Variants in RAB3GAP2 observed in about 807,000 individuals in gnomAD.
The protein encoded by RAB3GAP2 is rab3 GTPase-activating protein non-catalytic subunit.
A neutral mutation model predicts 185.3 loss-of-function variants in RAB3GAP2; 87 were observed. The observed-to-expected ratio is 0.47, with a 90% CI of 0.39 to 0.56. The LOEUF (loss-of-function observed/expected upper bound fraction) is 0.56, where lower values mean the gene tolerates loss of function less well. Among genes scored for constraint, RAB3GAP2 ranks in the 20% least tolerant of loss-of-function variants. The pLI, the probability that RAB3GAP2 is intolerant of heterozygous loss-of-function variation, is 0.00. For synonymous variants in RAB3GAP2, 554 were observed against 576.1 expected, an observed-to-expected ratio of 0.96 and a Z score of 0.55; for missense variants, 1,492 against 1,638.2, an observed-to-expected ratio of 0.91 and a Z score of 1.54.
intron 1 of RAB3GAP2, among the ~76,000 whole-genome samples, chr1:220,234,704 C>A (rs892590124): frequency 6.6e-6 from 1 of 152,020 alleles, no homozygotes; most frequent in Non-Finnish European, 1.5e-5. Context: ...AAACATGGAA[C>A]CATAATATAT....
chr1:220,228,728 A>G (rs1659447108), intron 2 of RAB3GAP2, among the ~76,000 whole-genome samples: 1 of 152,200 alleles, frequency 6.6e-6, no homozygotes, highest in Non-Finnish European at 1.5e-5. Context: ...GGGGTTCAAA[A>G]ATGGATAATA....
chr1:220,253,850 C>T, intron 1 of RAB3GAP2: 1 of 1,612,656 alleles, frequency 6.2e-7, no homozygotes, highest in Non-Finnish European at 8.5e-7. Context: ...GGGGCTGCCC[C>T]AGGAAAGAAG....
At chr1:220,181,379 G>A (rs1334489297) in intron 21 of RAB3GAP2, among the ~76,000 whole-genome samples, 2 of 152,164 alleles carry the variant, frequency 1.3e-5, no homozygotes, top group African/African-American at 2.4e-5. Context: ...TTCCATGGGT[G>A]CTGAGGGACA....
At chr1:220,261,756 T>C (rs1660140660) in intron 1 of RAB3GAP2, among the ~76,000 whole-genome samples, 2 of 152,180 alleles carry the variant, frequency 1.3e-5, no homozygotes, top group Admixed American at 1.3e-4. Flanking sequence ...TAAAATATTT[T>C]TGCTACACTT....
chr1:220,272,013 G>C lies in RAB3GAP2; in HGVS notation c.115+210C>G, dbSNP rs140385884. 1.1e-3 allele frequency among the ~76,000 whole-genome samples: 170 copies of C among 152,074 alleles called. 3 individuals are homozygous for C. The East Asian group carries it at 0.031, about 28-fold the overall frequency. On this transcript the variant is annotated intron_variant, in intron 1 of 34. Coordinates refer to ENST00000358951, the MANE Select transcript of RAB3GAP2 (RefSeq NM_012414.4). ...TTTAGCCAGGGGTCAGAGGGCCTAA[G>C]GAGAAAAGCTGGGTCGAGAGGAAGA...
chr1:220,167,308 C>T lies in RAB3GAP2; in HGVS notation c.3072G>A (p.Trp1024Ter). ...AHCCWEYVVQWNKDPEEARFF... is the reference protein window; with the variant it reads ...AHCCWEYVVQ The stretch of plus-strand genomic sequence containing the variant: ...AGAATCTTACCTCTGGATCTTTATT[C>T]CACTGAACAACGTACTCCCAGCAGC... Residue 1024 changes from tryptophan (W) to a stop codon, truncating the protein, a stop_gained, in exon 26 of 35, where the codon TGG becomes TGA. Coordinates refer to ENST00000358951, the MANE Select transcript of RAB3GAP2 (RefSeq NM_012414.4). LOFTEE classifies it high-confidence loss of function. 1 of 1,613,948 alleles carries T rather than the reference C, an allele frequency of 6.2e-7. No homozygotes were observed. The highest frequency in any genetic ancestry group is 8.5e-7 in the Non-Finnish European group (1 of 1,179,838).
intron 9 of RAB3GAP2, among the ~76,000 whole-genome samples, chr1:220,201,911 C>T (rs1032665348): frequency 7.9e-5 from 12 of 152,180 alleles, no homozygotes; most frequent in East Asian, 1.9e-4. Context: ...CAGTGGCTCA[C>T]GCCTGTAATC....
At chr1:220,268,139 T>C (rs1660261091) in intron 1 of RAB3GAP2, among the ~76,000 whole-genome samples, 1 of 152,214 alleles carries the variant, frequency 6.6e-6, no homozygotes, top group Non-Finnish European at 1.5e-5. Flanking sequence ...ATAACATTAA[T>C]AAATAAAGTG....
At chr1:220,167,728 G>T in intron 24 of RAB3GAP2, 53 bp from the exon 25 acceptor site, 1 of 1,562,056 alleles carries the variant, frequency 6.4e-7, no homozygotes, top group Non-Finnish European at 8.8e-7. Context: ...ACAGGGCAGT[G>T]TTTGCCAATG....
intron 33 of RAB3GAP2, 30 bp from the exon 34 acceptor site, chr1:220,151,794 A>C (rs374281300): frequency 4.3e-4 from 674 of 1,564,370 alleles, no homozygotes; most frequent in Non-Finnish European, 5.4e-4. Context: ...GAAATAATAC[A>C]GTCAGAGTGA....
intron 2 of RAB3GAP2, among the ~76,000 whole-genome samples, chr1:220,226,280 T>C (rs1043950227): frequency 4.6e-5 from 7 of 152,196 alleles, no homozygotes; most frequent in Non-Finnish European, 8.8e-5. Context: ...TAAATCAGTC[T>C]TGCCATGAAA....
At chr1:220,159,019 T>C (rs1427834581) in intron 29 of RAB3GAP2, among the ~76,000 whole-genome samples, 1 of 152,176 alleles carries the variant, frequency 6.6e-6, no homozygotes, top group East Asian at 1.9e-4. Flanking sequence ...ATATCATATA[T>C]ATAGGTAGAT....
chr1:220,236,089 A>C (rs1177039376), intron 1 of RAB3GAP2, among the ~76,000 whole-genome samples: 1 of 152,218 alleles, frequency 6.6e-6, no homozygotes, highest in Non-Finnish European at 1.5e-5. Flanking sequence ...TTATAATACT[A>C]TGAGAGAATG....
chr1:220,198,815 C>T (rs1658782373), intron 9 of RAB3GAP2, among the ~76,000 whole-genome samples: 1 of 152,116 alleles, frequency 6.6e-6, no homozygotes, highest in Non-Finnish European at 1.5e-5. Flanking sequence ...ATCAAAGTCC[C>T]TCTCAATATA....
chr1:220,163,393 GTCTC>G (rs1401149829), intron 27 of RAB3GAP2, among the ~76,000 whole-genome samples: 1 of 147,502 alleles, frequency 6.8e-6, no homozygotes, highest in Non-Finnish European at 1.5e-5. Flanking sequence ...TTGAGACGGA[GTCTC>G]TCTCTCCCAG....
At chr1:220,257,386 A>C (rs1660051633) in intron 1 of RAB3GAP2, among the ~76,000 whole-genome samples, 1 of 152,036 alleles carries the variant, frequency 6.6e-6, no homozygotes, top group South Asian at 2.1e-4. Flanking sequence ...TCAAAAAAAA[A>C]CAAAACAAAA....
intron 2 of RAB3GAP2, among the ~76,000 whole-genome samples, chr1:220,223,823 C>T (rs1262574053): frequency 6.6e-6 from 1 of 151,316 alleles, no homozygotes; most frequent in East Asian, 1.9e-4. Context: ...AATTGGCTAG[C>T]CCTTTAGAAG....
chr1:220,199,788 G>A (rs977316600), intron 9 of RAB3GAP2, among the ~76,000 whole-genome samples: 1 of 151,922 alleles, frequency 6.6e-6, no homozygotes, highest in African/African-American at 2.4e-5. Context: ...CCTTCCTCTT[G>A]TTTCTCAAAA....
chr1:220,176,823 G>C (rs1027610104), intron 21 of RAB3GAP2, among the ~76,000 whole-genome samples: 1 of 152,104 alleles, frequency 6.6e-6, no homozygotes, highest in Admixed American at 6.5e-5. Context: ...GAAGACACAT[G>C]CCTCTCTGAG....
Sources: allele counts gnomAD v4.1 joint callset (sites outside exome capture counted in the v4.1 genomes callset), GRCh38; gene constraint gnomAD v4.1.1; transcripts MANE v1.5; gene names NCBI Gene and HGNC (gene_info 2026-07-23, HGNC 2026-07-21).